PDE4C: variants seen among roughly 807,000 people sequenced by gnomAD.
The protein encoded by PDE4C is 3',5'-cyclic-AMP phosphodiesterase 4C.
A neutral mutation model predicts 63.9 loss-of-function variants in PDE4C; 50 were observed. That is an observed-to-expected ratio of 0.78 (90% confidence interval 0.62 to 0.99). The LOEUF (loss-of-function observed/expected upper bound fraction) is 0.99. PDE4C is among the 50% of genes least tolerant of loss of function. PDE4C has a pLI of 0.00. For synonymous variants in PDE4C, 377 were observed against 385.1 expected (o/e 0.98, Z 0.25); for missense variants, 777 against 899.1 (o/e 0.86, Z 1.74).
chr19:18,226,421 G>A, exon 1 of PDE4C: 2 of 1,417,998 alleles, frequency 1.4e-6, no homozygotes, highest in Non-Finnish European at 1.8e-6. Flanking sequence ...TGCATCGCCA[G>A]GACTGCGTGG....
At chr19:18,248,678 G>A (rs536835409), upstream of PDE4C, among the ~76,000 whole-genome samples, 3 of 152,064 alleles carry the variant, frequency 2.0e-5, no homozygotes, top group Non-Finnish European at 4.4e-5. Context: ...GAGCTTGGGG[G>A]CTCCAGGAAA....
upstream of PDE4C, chr19:18,249,904 C>G (rs1969210719): frequency 2.6e-6 from 1 of 383,856 alleles, no homozygotes; most frequent in South Asian, 1.4e-4. Context: ...CTGTCCCTGC[C>G]TTGAGTCTGT....
Position 18,211,129 on chromosome 19 carries a change from T to C in PDE4C, c.1843A>G (p.Asn615Asp), listed in dbSNP as rs762738383. 1 of 1,614,146 alleles carries C rather than the reference T, an allele frequency of 6.2e-7. No individual in the cohort carries two copies. The change falls in exon 15 of 15, where the codon AAC (asparagine) becomes GAC (aspartate). Residue 615 changes from asparagine to aspartate, a missense_variant. Coordinates refer to ENST00000262805, the Ensembl canonical transcript of PDE4C. Reference sequence around the variant, plus strand: ...CTGTCAGGCCCGTCCCGCTCGGGGTTGGTGAGGTCTGAGGGACTTCGGGGG... The same window carrying C: ...CTGTCAGGCCCGTCCCGCTCGGGGTCGGTGAGGTCTGAGGGACTTCGGGGG...
At chr19:18,245,449 G>A (rs1344595924) in intron 1 of PDE4C, among the ~76,000 whole-genome samples, 1 of 152,192 alleles carries the variant, frequency 6.6e-6, no homozygotes, top group Non-Finnish European at 1.5e-5. Flanking sequence ...ACATGTGTGA[G>A]CCACCGTGCC....
chr19:18,248,241 T>G (rs1438736122), upstream of PDE4C: 1 of 455,988 alleles, frequency 2.2e-6, no homozygotes, highest in East Asian at 7.0e-5. Flanking sequence ...GAAAATGACC[T>G]GACCAAGAGG....
exon 1 of PDE4C, chr19:18,233,033 G>A: frequency 1.9e-6 from 3 of 1,549,380 alleles, no homozygotes; most frequent in Non-Finnish European, 2.6e-6. Context: ...GGCAGCCCGC[G>A]GACTTGTCCG....
rs1333207837 is a variant in PDE4C at position 18,220,629 on chromosome 19, A to G, written c.500-114T>C. Reference sequence around the variant, plus strand: ...GAAACTGTTCCCACGGGGGCCACCCAGGACTCCTGGACCCAAGTTCCAGAT... The same window carrying G: ...GAAACTGTTCCCACGGGGGCCACCCGGGACTCCTGGACCCAAGTTCCAGAT... On this transcript the variant is annotated intron_variant, in intron 5 of 14. Coordinates refer to ENST00000262805, the Ensembl canonical transcript of PDE4C. This position sits in a 1 kb window ranked among gnomAD's most constrained non-coding sequence, Gnocchi z 5.1. 2.1e-6 allele frequency: 2 copies of G among 966,508 alleles called. No homozygotes were observed. Among genetic ancestry groups the G allele is most frequent in the East Asian group, 2.6e-5 (1 of 38,276 alleles). 59.9% of individuals were successfully genotyped at this position (966,508 alleles called of 1,614,324 possible). A position where few individuals can be genotyped will look rare whatever the true frequency, so the allele number is the denominator to read the frequency against.
At chr19:18,227,718 C>T (rs746191340), upstream of PDE4C, among the ~76,000 whole-genome samples, 2 of 152,178 alleles carry the variant, frequency 1.3e-5, no homozygotes, top group Non-Finnish European at 2.9e-5. Flanking sequence ...GAGGCCTGAC[C>T]GTGCCCCTTG....
At chr19:18,209,387 G>C (rs1967828657), downstream of PDE4C, 2 of 152,110 alleles carry the variant, frequency 1.3e-5, no homozygotes, top group Admixed American at 6.6e-5. Flanking sequence ...GAGTAGCTGG[G>C]ATTCAGGCAC....
chr19:18,233,501 G>T (rs776483195), exon 1 of PDE4C: 6 of 633,290 alleles, frequency 9.5e-6, no homozygotes, highest in Non-Finnish European at 5.9e-6. Flanking sequence ...ACCGTCTGCC[G>T]TCCCCTATAG....
At chr19:18,215,305 C>T (rs1968140751) in intron 12 of PDE4C, among the ~76,000 whole-genome samples, 1 of 152,178 alleles carries the variant, frequency 6.6e-6, no homozygotes, top group African/African-American at 2.4e-5. Flanking sequence ...GTCTGGGCTC[C>T]GAAAGCACCT....
At chr19:18,222,697 TTTC>T (rs1968544680) in intron 1 of PDE4C, among the ~76,000 whole-genome samples, 1 of 96,804 alleles carries the variant, frequency 1.0e-5, no homozygotes, top group Non-Finnish European at 2.3e-5. Context: ...CGCCCTTTCT[TTTC>T]TTTTTTTTTT....
the PDE4C span, among the ~76,000 whole-genome samples, chr19:18,254,993 A>G: frequency 0.069 from 10,584 of 152,290 alleles, 1,262 homozygotes; most frequent in African/African-American, 0.24. Flanking sequence ...TTCAGGGCTC[A>G]CTGGAGTTGC....
intron 11 of PDE4C, 151 bp from the exon 12 acceptor site, chr19:18,217,046 GGCGCTTCCCTGACT>G: frequency 1.2e-6 from 1 of 808,146 alleles, no homozygotes; most frequent in Admixed American, 3.2e-5. Context: ...CCAGGTCCCT[GGCGCTTCCCTGACT>G]GCAGGGCTAG....
chr19:18,239,991 C>T (rs1969010864), intron 1 of PDE4C, among the ~76,000 whole-genome samples: 1 of 151,916 alleles, frequency 6.6e-6, no homozygotes, highest in Admixed American at 6.6e-5. Context: ...GGCAACAGAT[C>T]TGGGCAACAG....
intron 7 of PDE4C, among the ~76,000 whole-genome samples, chr19:18,219,983 T>A (rs1968385856): frequency 6.6e-6 from 1 of 152,070 alleles, no homozygotes; most frequent in African/African-American, 2.4e-5. Flanking sequence ...CCCAAGCTAG[T>A]GTCTGGTTCC....
intron 1 of PDE4C, among the ~76,000 whole-genome samples, chr19:18,244,125 C>T (rs1246381331): frequency 6.6e-6 from 1 of 152,056 alleles, no homozygotes; most frequent in East Asian, 1.9e-4. Flanking sequence ...CCACCCACCT[C>T]GGCCTAAAGT....
At chr19:18,218,742 G>A (rs1028660953) in intron 9 of PDE4C, among the ~76,000 whole-genome samples, 198 bp downstream of exon 9, 7 of 152,296 alleles carry the variant, frequency 4.6e-5, no homozygotes, top group African/African-American at 1.4e-4. Context: ...GCCAGGGGCC[G>A]GGCCAGGGCT....
upstream of PDE4C, among the ~76,000 whole-genome samples, chr19:18,251,423 G>T (rs1400060274): frequency 6.6e-6 from 1 of 150,952 alleles, no homozygotes; most frequent in Admixed American, 6.6e-5. Flanking sequence ...ACCACGCCCA[G>T]CCATTTTTAT....
Sources: allele counts gnomAD v4.1 joint callset (sites outside exome capture counted in the v4.1 genomes callset), GRCh38; gene constraint gnomAD v4.1.1; non-coding constraint Gnocchi (gnomAD v3.1); transcripts MANE v1.5; gene names NCBI Gene and HGNC (gene_info 2026-07-23, HGNC 2026-07-21).